Variants in TIMP2 observed in about 807,000 individuals in gnomAD.
TIMP2 encodes the protein metalloproteinase inhibitor 2.
In TIMP2, 5 loss-of-function variants were observed where a neutral mutation model predicts 24.3. That is an observed-to-expected ratio of 0.21 (90% CI 0.11 to 0.43). The LOEUF is 0.43. Ranked by LOEUF, TIMP2 falls within the 20% of genes least tolerant of loss-of-function variation. The pLI is 1.00. For synonymous variants in TIMP2, 130 were observed against 123.2 expected, an observed-to-expected ratio of 1.06 and a Z score of -0.37; for missense variants, 221 against 297.5, an observed-to-expected ratio of 0.74 and a Z score of 1.89.
At position 78,870,960 on chromosome 17, in the gene TIMP2, G is replaced by C. The variant is rs372752139; in HGVS notation, c.278C>G (p.Pro93Arg). Residue 93 changes from proline (P) to arginine (R), a missense_variant, in exon 3 of 5, where the codon CCC becomes CGC. By Grantham distance (103) the Pro-to-Arg change is moderately radical (BLOSUM62 -2). Transcript: ENST00000262768. ...CGAGACCCCACACACTGCCGAGGAG[G>C]GGGCCGTGTAGATAAACTCTATATC... ...EKDIEFIYTA[P>R]SSAVCGVSLD... The C allele has an allele frequency of 1.2e-6, 2 of 1,613,748 alleles. No individual in the cohort carries two copies. The highest frequency in any genetic ancestry group is 2.7e-5 in the African/African-American group (2 of 74,928).
At chr17:78,871,629 G>A (rs1465991276) in intron 2 of TIMP2, among the ~76,000 whole-genome samples, 1 of 151,794 alleles carries the variant, frequency 6.6e-6, no homozygotes, top group South Asian at 2.1e-4. Flanking sequence ...GGCAGATCAC[G>A]AGGTCAGAAG....
At chr17:78,883,962 A>G (rs2069802700) in intron 1 of TIMP2, among the ~76,000 whole-genome samples, 1 of 152,216 alleles carries the variant, frequency 6.6e-6, no homozygotes, top group Non-Finnish European at 1.5e-5. Flanking sequence ...GTGCTGCTGA[A>G]TCACTTGAAA....
At chr17:78,871,738 C>T (rs903761422) in intron 2 of TIMP2, among the ~76,000 whole-genome samples, 3 of 146,408 alleles carry the variant, frequency 2.0e-5, no homozygotes, top group African/African-American at 7.6e-5. Context: ...CCCAGCTACT[C>T]GGGAGGCTGA....
At chr17:78,892,185 G>A in intron 1 of TIMP2, 1 of 1,551,026 alleles carries the variant, frequency 6.4e-7, no homozygotes, top group Non-Finnish European at 8.7e-7. Flanking sequence ...AAGCGCTGGA[G>A]CTGGTAGTTT....
chr17:78,872,987 C>T (rs1474891262), intron 2 of TIMP2, among the ~76,000 whole-genome samples: 1 of 152,086 alleles, frequency 6.6e-6, no homozygotes, highest in Non-Finnish European at 1.5e-5. Context: ...CGCCACCACG[C>T]CCAGCTAATT....
At chr17:78,865,697 C>T (rs1341745758) in intron 3 of TIMP2, among the ~76,000 whole-genome samples, 1 of 151,556 alleles carries the variant, frequency 6.6e-6, no homozygotes, top group Non-Finnish European at 1.5e-5. Context: ...GAGGCTGAGG[C>T]AGGAGAACTG....
chr17:78,866,531 T>A lies in TIMP2; in HGVS notation c.340+4367A>T, dbSNP rs560758332. On this transcript the variant is annotated intron_variant, in intron 3 of 4. Transcript: ENST00000262768. ...CCTCCCCACCCCCGACCCCACCAATTCCACTGCCAGGGATACACCCAGGAA... is the reference window on the plus strand; with the variant it reads ...CCTCCCCACCCCCGACCCCACCAATACCACTGCCAGGGATACACCCAGGAA... 1.6e-4 allele frequency among the ~76,000 whole-genome samples: 18 copies of A among 109,608 alleles called. No individual in the cohort carries two copies. In the South Asian group the frequency reaches 2.7e-3, roughly 16 times the overall value. The allele number at this position is 109,608 out of a possible 152,430, so 71.9% of individuals were successfully genotyped here. A position where few individuals can be genotyped will look rare whatever the true frequency, so the allele number is the denominator to read the frequency against.
Position 78,855,827 on chromosome 17 carries a change from G to C in TIMP2, c.503C>G (p.Ser168Cys). ...RCPMIPCYIS[S>C]PDECLWMDWV... ...GTCCATCCAGAGGCACTCGTCCGGGGAGGAGATGTAGCACGGGATCATGGG... is the reference window on the plus strand; with the variant it reads ...GTCCATCCAGAGGCACTCGTCCGGGCAGGAGATGTAGCACGGGATCATGGG... The change falls in exon 5 of 5, where the codon TCC (serine) becomes TGC (cysteine). Residue 168 changes from serine to cysteine, a missense_variant. Coordinates refer to ENST00000262768, the MANE Select transcript of TIMP2 (RefSeq NM_003255.5). This position sits in a 1 kb window ranked among gnomAD's most constrained non-coding sequence, Gnocchi z 6.0. 1 of 1,614,138 alleles carries C rather than the reference G, an allele frequency of 6.2e-7. No individual in the cohort carries two copies. Among genetic ancestry groups the C allele is most frequent in the Non-Finnish European group, 8.5e-7 (1 of 1,180,018 alleles).
chr17:78,881,169 T>C (rs1003930309), intron 1 of TIMP2, among the ~76,000 whole-genome samples: 2 of 152,216 alleles, frequency 1.3e-5, no homozygotes, highest in African/African-American at 2.4e-5. Flanking sequence ...GTTTGCTCAG[T>C]ATCACTGGAG....
chr17:78,880,970 G>A (rs374518356), intron 1 of TIMP2, among the ~76,000 whole-genome samples: 22 of 152,324 alleles, frequency 1.4e-4, no homozygotes, highest in Middle Eastern at 6.8e-3. Flanking sequence ...ACAGCATAGC[G>A]CCTGTCTCGG....
At position 78,862,743 on chromosome 17, in the gene TIMP2, T is replaced by C. The variant is rs369795817; in HGVS notation, c.341-5097A>G. 7.0e-4 allele frequency among the ~76,000 whole-genome samples: 106 copies of C among 152,388 alleles called. No homozygotes were observed. The South Asian group carries it at 0.013, about 19-fold the overall frequency. ...CCACCTCCTTGTATTCCCCAGTGTC[T>C]CTTGTTCACATTTTTATGACCATGT... On this transcript the variant is annotated intron_variant, in intron 3 of 4. Coordinates refer to ENST00000262768, the MANE Select transcript of TIMP2 (RefSeq NM_003255.5).
intron 1 of TIMP2, among the ~76,000 whole-genome samples, chr17:78,893,405 G>GTGTGCGCGTAGCGGTA (rs139652180): frequency 3.1e-5 from 4 of 128,298 alleles, no homozygotes; most frequent in African/African-American, 1.4e-4. Flanking sequence ...ATGCAGGGGT[G>GTGTGCGCGTAGCGGTA]TGTGTGCATA....
chr17:78,924,005 G>T lies in TIMP2; in HGVS notation c.130+954C>A, dbSNP rs566308847. ...TCCGAGACCACCTGCCGTGTAGCCA[G>T]ACTTGCCCCAGGAAAACCATGCTGA... On this transcript the variant is annotated intron_variant, in intron 1 of 4. Coordinates refer to ENST00000262768, the MANE Select transcript of TIMP2 (RefSeq NM_003255.5). The surrounding 1 kb of genome is among the most constrained non-coding windows in gnomAD (Gnocchi z 5.3). 6.6e-6 allele frequency among the ~76,000 whole-genome samples: 1 copy of T among 152,298 alleles called. No homozygotes were observed. The highest frequency in any genetic ancestry group is 6.5e-5 in the Admixed American group (1 of 15,300).
At chr17:78,885,346 A>G (rs8080293) in intron 1 of TIMP2, among the ~76,000 whole-genome samples, 9,859 of 152,324 alleles carry the variant, frequency 0.065, 419 homozygotes, top group Middle Eastern at 0.12. Flanking sequence ...GAGCAGGAGA[A>G]CCGTGCGGGG....
At chr17:78,886,512 TG>T (rs2145764322) in intron 1 of TIMP2, among the ~76,000 whole-genome samples, 1 of 152,208 alleles carries the variant, frequency 6.6e-6, no homozygotes, top group South Asian at 2.1e-4. Flanking sequence ...AAAAAATAGC[TG>T]GGCACAAGGC....
chr17:78,879,548 G>A (rs750312757), intron 1 of TIMP2, among the ~76,000 whole-genome samples: 31 of 152,288 alleles, frequency 2.0e-4, no homozygotes, highest in Middle Eastern at 6.8e-3. Flanking sequence ...CCCCCGAGAG[G>A]GGCTGCTCTG....
chr17:78,918,080 A>ACACT (rs1555652989), intron 1 of TIMP2, among the ~76,000 whole-genome samples: 47 of 150,844 alleles, frequency 3.1e-4, no homozygotes, highest in South Asian at 4.2e-4. Context: ...ACACACACAC[A>ACACT]CACACACACA....
In TIMP2 at chr17:78,891,373, A is replaced by G. The variant is rs2069890743; in HGVS notation, c.131-17454T>C. The stretch of plus-strand genomic sequence containing the variant: ...CACACTCTTGCATCTCTGAGAAGGC[A>G]TGCCCTTCCCCAGGTCTCTGGTCCA... On this transcript the variant is annotated intron_variant, in intron 1 of 4. Transcript: ENST00000262768. This position sits in a 1 kb window ranked among gnomAD's most constrained non-coding sequence, Gnocchi z 4.5. The G allele has an allele frequency of 1.9e-6, 3 of 1,550,534 alleles. No individual in the cohort carries two copies. The highest frequency in any genetic ancestry group is 2.4e-5 in the South Asian group (2 of 84,068).
At chr17:78,922,209 C>A (rs1342899313) in intron 1 of TIMP2, 1 of 152,246 alleles carries the variant, frequency 6.6e-6, no homozygotes, top group Non-Finnish European at 1.5e-5. Flanking sequence ...AAGTCACAAA[C>A]CTGCATCGCT....
Sources: allele counts gnomAD v4.1 joint callset (sites outside exome capture counted in the v4.1 genomes callset), GRCh38; gene constraint gnomAD v4.1.1; non-coding constraint Gnocchi (gnomAD v3.1); transcripts MANE v1.5; gene names NCBI Gene and HGNC (gene_info 2026-07-23, HGNC 2026-07-21).